The following PCDH15 variants were observed in gnomAD, a reference collection of about 807,000 sequenced individuals.
PCDH15 encodes the protein protocadherin related 15, also known as protocadherin-15.
PCDH15 carries 129 observed loss-of-function variants against 178.5 expected under a neutral mutation model. The ratio of observed to expected loss-of-function variants is 0.72; its 90% CI spans 0.63 to 0.84. The LOEUF (loss-of-function observed/expected upper bound fraction) is 0.84, where lower values mean the gene tolerates loss of function less well. PCDH15 is among the 40% of genes least tolerant of loss of function. PCDH15 has a pLI of 0.00. For synonymous variants in PCDH15, 800 were observed against 732.0 expected (o/e 1.09, Z -1.50); for missense variants, 2,230 against 2,099.9 (o/e 1.06, Z -1.21).
chr10:54,840,607 A>G (rs1953401167), intron 3 of PCDH15, among the ~76,000 whole-genome samples: 1 of 151,930 alleles, frequency 6.6e-6, no homozygotes, highest in Non-Finnish European at 1.5e-5. Context: ...TTTAAGTTTA[A>G]ATGAATTAAA....
intron 2 of PCDH15, among the ~76,000 whole-genome samples, chr10:54,942,247 G>T (rs987620360): frequency 6.6e-6 from 1 of 151,922 alleles, no homozygotes; most frequent in Admixed American, 6.6e-5. Flanking sequence ...CCTCTGTGTT[G>T]TTCATTAGGA....
At chr10:54,199,096 A>T (rs2049977506) in intron 10 of PCDH15, among the ~76,000 whole-genome samples, 1 of 152,180 alleles carries the variant, frequency 6.6e-6, no homozygotes. Flanking sequence ...CTAATTCTTA[A>T]CTTCCTCATA....
intron 3 of PCDH15, among the ~76,000 whole-genome samples, chr10:54,810,620 C>T (rs552236133): frequency 1.1e-4 from 17 of 152,034 alleles, no homozygotes; most frequent in Non-Finnish European, 1.5e-4. Flanking sequence ...AACATTTTCA[C>T]TCTGTATTTC....
intron 2 of PCDH15, among the ~76,000 whole-genome samples, chr10:55,359,631 C>A: frequency 6.7e-6 from 1 of 149,940 alleles, no homozygotes; most frequent in South Asian, 2.1e-4. Flanking sequence ...GTCTGTATTC[C>A]CATGTTTATT....
intron 28 of PCDH15, among the ~76,000 whole-genome samples, chr10:53,841,184 GT>G: frequency 6.6e-6 from 1 of 152,096 alleles, no homozygotes; most frequent in South Asian, 2.1e-4. Flanking sequence ...TTAATTGAAA[GT>G]ATGAATTATT....
chr10:53,913,356 A>G (rs959862397), intron 25 of PCDH15, among the ~76,000 whole-genome samples: 3 of 152,162 alleles, frequency 2.0e-5, no homozygotes, highest in Non-Finnish European at 2.9e-5. Flanking sequence ...AACCTAGGCA[A>G]TACCACTGAG....
At chr10:55,168,893 G>C (rs1194198272) in intron 1 of PCDH15, among the ~76,000 whole-genome samples, 1 of 152,028 alleles carries the variant, frequency 6.6e-6, no homozygotes, top group Admixed American at 6.6e-5. Flanking sequence ...TAGATTTGGG[G>C]AGTTATAAAT....
chr10:55,147,351 A>G (rs1838547438), intron 2 of PCDH15, among the ~76,000 whole-genome samples: 1 of 151,620 alleles, frequency 6.6e-6, no homozygotes, highest in Non-Finnish European at 1.5e-5. Flanking sequence ...GTACCATTGT[A>G]TAATGCAGAA....
intron 2 of PCDH15, among the ~76,000 whole-genome samples, chr10:55,544,971 C>T (rs1841846628): frequency 6.6e-6 from 1 of 152,022 alleles, no homozygotes; most frequent in Admixed American, 6.6e-5. Context: ...GAAAACTTAA[C>T]AGGAAAAAAA....
intron 20 of PCDH15, among the ~76,000 whole-genome samples, chr10:54,005,514 T>C (rs2092353404): frequency 6.6e-6 from 1 of 152,010 alleles, no homozygotes; most frequent in African/African-American, 2.4e-5. Context: ...AACAAAAATT[T>C]CTCAAAAGAA....
chr10:54,052,179 A>T (rs560224718), intron 18 of PCDH15, among the ~76,000 whole-genome samples: 4 of 152,210 alleles, frequency 2.6e-5, no homozygotes, highest in Non-Finnish European at 4.4e-5. Context: ...CAGAGTCCCC[A>T]CTGGGGCACT....
chr10:54,052,652 A>G (rs994550618), intron 18 of PCDH15, among the ~76,000 whole-genome samples: 1 of 152,158 alleles, frequency 6.6e-6, no homozygotes, highest in African/African-American at 2.4e-5. Context: ...TTTTGGGTTA[A>G]TGCTGCAATG....
intron 23 of PCDH15, among the ~76,000 whole-genome samples, chr10:53,952,962 C>A (rs891101417): frequency 6.6e-6 from 1 of 152,254 alleles, no homozygotes; most frequent in African/African-American, 2.4e-5. Flanking sequence ...GGAGAACACA[C>A]TTTGAGCATG....
chr10:53,915,703 G>A (rs942235052), intron 25 of PCDH15, among the ~76,000 whole-genome samples: 1 of 152,034 alleles, frequency 6.6e-6, no homozygotes, highest in African/African-American at 2.4e-5. Context: ...AGGATTATAG[G>A]TGCCCGCCAC....
chr10:55,318,885 A>AT (rs972371968), intron 1 of PCDH15, among the ~76,000 whole-genome samples: 120 of 152,022 alleles, frequency 7.9e-4, no homozygotes, highest in African/African-American at 2.5e-3. Context: ...AAGAAAAAGC[A>AT]TTTTTTTTCT....
intron 3 of PCDH15, among the ~76,000 whole-genome samples, chr10:54,870,508 G>T (rs965328127): frequency 8.5e-5 from 13 of 152,122 alleles, no homozygotes; most frequent in African/African-American, 3.1e-4. Context: ...TAAAAAGACC[G>T]GGCGCGGTGG....
In PCDH15 at chr10:55,246,268, C is replaced by T. The variant is rs184585230; in HGVS notation, c.-156+73331G>A. On this transcript the variant is annotated intron_variant, in intron 1 of 5. Coordinates refer to the PCDH15 transcript ENST00000458638. The stretch of plus-strand genomic sequence containing the variant: ...TTTCTTTTCTCATCTAGGTTCTAGA[C>T]TTGCTTTCACAGCACTCTGAATGAT... 3.3e-5 allele frequency among the ~76,000 whole-genome samples: 5 copies of T among 152,210 alleles called. 1 individual carries two copies. In the East Asian group the frequency reaches 9.7e-4, roughly 29 times the overall value.
At chr10:55,486,027 T>G (rs1012774892) in intron 2 of PCDH15, among the ~76,000 whole-genome samples, 2 of 151,740 alleles carry the variant, frequency 1.3e-5, no homozygotes, top group Non-Finnish European at 2.9e-5. Context: ...ATGGATGAAT[T>G]AAGTGTGTGC....
Position 55,602,501 on chromosome 10 carries a change from G to C in PCDH15, c.-156+25124C>G, listed in dbSNP as rs1403562340. ...TTAAATGTCCCTGTCTGACAGCTTTGAAGAGAGCAGTGGTTCTCCCAGCAC... is the reference window on the plus strand; with the variant it reads ...TTAAATGTCCCTGTCTGACAGCTTTCAAGAGAGCAGTGGTTCTCCCAGCAC... On this transcript the variant is annotated intron_variant, in intron 2 of 5. Transcript: ENST00000613346. 3.3e-5 allele frequency among the ~76,000 whole-genome samples: 5 copies of C among 152,088 alleles called. No individual in the cohort carries two copies. In the East Asian group the frequency reaches 9.7e-4, roughly 29 times the overall value.
Sources: allele counts gnomAD v4.1 joint callset (sites outside exome capture counted in the v4.1 genomes callset), GRCh38; gene constraint gnomAD v4.1.1; transcripts MANE v1.5; gene names NCBI Gene and HGNC (gene_info 2026-07-23, HGNC 2026-07-21).